NDRG2: variants seen among roughly 807,000 people sequenced by gnomAD.
NDRG2 encodes NDRG family member 2.
NDRG2 carries 34 observed loss-of-function variants against 58.2 expected under a neutral mutation model. That is an observed-to-expected ratio of 0.58 (90% CI 0.44 to 0.78). The LOEUF (loss-of-function observed/expected upper bound fraction) is 0.78, where lower values mean the gene tolerates loss of function less well. Among genes scored for constraint, NDRG2 ranks in the 30% least tolerant of loss-of-function variants. NDRG2 has a pLI of 0.00. For synonymous variants in NDRG2, 187 were observed against 175.9 expected, an observed-to-expected ratio of 1.06 and a Z score of -0.50; for missense variants, 434 against 471.2, an observed-to-expected ratio of 0.92 and a Z score of 0.73.
intron 11 of NDRG2, 95 bp downstream of exon 11, chr14:21,019,021 A>G: frequency 2.1e-6 from 3 of 1,406,708 alleles, no homozygotes; most frequent in Non-Finnish European, 2.9e-6. Flanking sequence ...ATGACAAGGA[A>G]GTTCCCTGGC....
chr14:21,020,798 G>C lies in NDRG2; in HGVS notation c.454C>G (p.Leu152Val), dbSNP rs558685962. The change falls in exon 7 of 16, where the codon CTG (leucine) becomes GTG (valine). Residue 152 changes from leucine (L) to valine (V), a missense_variant. Transcript: ENST00000556147. Reference sequence around the variant, plus strand: ...TTATTTCTTACAGCATATCTCGCCAGGATGTAGGCTCCAGCTCCAACACCA... The same window carrying C: ...TTATTTCTTACAGCATATCTCGCCACGATGTAGGCTCCAGCTCCAACACCA... The part of the protein sequence containing the change: ...GVGVGAGAYI[L>V]ARYALNHPDT... 2.7e-5 allele frequency: 43 copies of C among 1,613,912 alleles called. No homozygotes were observed. Among genetic ancestry groups the C allele is most frequent in the Non-Finnish European group, 3.6e-5 (43 of 1,180,024 alleles).
At chr14:21,059,280 G>A (rs1566507691) in intron 1 of NDRG2, among the ~76,000 whole-genome samples, 2 of 152,270 alleles carry the variant, frequency 1.3e-5, no homozygotes, top group East Asian at 3.9e-4. Context: ...CTTAATCATT[G>A]CTGAAGACTA....
upstream of NDRG2, chr14:21,030,680 G>A (rs761889310): frequency 2.5e-6 from 4 of 1,614,182 alleles, no homozygotes; most frequent in Admixed American, 1.7e-5. Context: ...TCTCCAAGCT[G>A]TGCAAAGACT....
At chr14:21,041,284 C>T (rs1408422880) in intron 1 of NDRG2, among the ~76,000 whole-genome samples, 2 of 152,254 alleles carry the variant, frequency 1.3e-5, no homozygotes, top group Non-Finnish European at 2.9e-5. Flanking sequence ...TGTGGGCCAC[C>T]GTACCTGGCC....
At chr14:21,042,933 A>G in intron 1 of NDRG2, 6 of 1,462,870 alleles carry the variant, frequency 4.1e-6, no homozygotes, top group Non-Finnish European at 5.6e-6. Flanking sequence ...TAATTTCTCA[A>G]CTGAACACCT....
At chr14:21,019,481 G>A (rs867358530) in intron 10 of NDRG2, 158 bp downstream of exon 10, 1 of 620,436 alleles carries the variant, frequency 1.6e-6, no homozygotes, top group Non-Finnish European at 2.9e-6. Flanking sequence ...CCTTCCCACT[G>A]ACTCTGTCCT....
At chr14:21,047,372 G>A (rs548880628) in intron 1 of NDRG2, among the ~76,000 whole-genome samples, 1 of 152,114 alleles carries the variant, frequency 6.6e-6, no homozygotes, top group African/African-American at 2.4e-5. Flanking sequence ...CAAATGGCCT[G>A]GCCTATTCTT....
intron 1 of NDRG2, among the ~76,000 whole-genome samples, chr14:21,051,400 G>A (rs1885461084): frequency 6.6e-6 from 1 of 152,202 alleles, no homozygotes; most frequent in Non-Finnish European, 1.5e-5. Context: ...TAGCAGGGCT[G>A]AAGGCTGCAC....
chr14:21,058,054 G>C (rs754094447), intron 1 of NDRG2: 8 of 1,614,126 alleles, frequency 5.0e-6, no homozygotes, highest in Non-Finnish European at 5.9e-6. Context: ...ACTCAGCCAT[G>C]AGCATCATCA....
Position 21,030,873 on chromosome 14 carries a change from C to T in NDRG2, c.25-7552G>A, listed in dbSNP as rs562372579. 2.4e-4 allele frequency: 364 copies of T among 1,499,340 alleles called. 1 individual carries two copies. Among genetic ancestry groups the T allele is most frequent in the Non-Finnish European group, 2.9e-4 (319 of 1,105,138 alleles). 92.9% of individuals were successfully genotyped at this position (1,499,340 alleles called of 1,614,324 possible). A position where few individuals can be genotyped will look rare whatever the true frequency, so the allele number is the denominator to read the frequency against. ...CTACCAAGCACCACAGGGTACCTGG[C>T]GCTGTGCTATCCTTTGTCTTCGAGA... On this transcript the variant is annotated intron_variant, in intron 1 of 14. Transcript: ENST00000403829.
At chr14:21,044,904 A>C (rs189502989) in intron 1 of NDRG2, among the ~76,000 whole-genome samples, 1 of 152,320 alleles carries the variant, frequency 6.6e-6, no homozygotes, top group Admixed American at 6.5e-5. Flanking sequence ...CTTTGGAGCC[A>C]GACAGAATCA....
In NDRG2 at chr14:21,043,390, C is replaced by T. The variant is rs746784879; in HGVS notation, c.25-20069G>A. 5 of 1,613,628 alleles carry T rather than the reference C, an allele frequency of 3.1e-6. No homozygotes were observed. In the African/African-American group the frequency reaches 6.7e-5, roughly 22 times the overall value. On this transcript the variant is annotated intron_variant, in intron 1 of 14. Coordinates refer to the NDRG2 transcript ENST00000403829. The stretch of plus-strand genomic sequence containing the variant: ...CGACAGAACAAGTCTTACGTAGTGG[C>T]CTGTAAGCCTCCCCAGAAAAAGGAC...
rs898543995 is a variant in NDRG2 at position 21,070,381 on chromosome 14, G to C, written c.24+447C>G. ...GCCCGCCCGACCAAGCGTCGGACGCGGCCCGGCGCCGAGCCATGGTGAGTC... is the reference window on the plus strand; with the variant it reads ...GCCCGCCCGACCAAGCGTCGGACGCCGCCCGGCGCCGAGCCATGGTGAGTC... On this transcript the variant is annotated intron_variant, in intron 1 of 14. Coordinates refer to the NDRG2 transcript ENST00000403829. The surrounding 1 kb of genome is among the most constrained non-coding windows in gnomAD (Gnocchi z 4.7). 1.2e-5 allele frequency: 17 copies of C among 1,406,804 alleles called. No individual in the cohort carries two copies. The highest frequency in any genetic ancestry group is 2.8e-6 in the Non-Finnish European group (3 of 1,089,232). 87.1% of individuals were successfully genotyped at this position (1,406,804 alleles called of 1,614,324 possible).
In NDRG2 at chr14:21,019,096, A is replaced by T. The variant is rs376087460; in HGVS notation, c.761+20T>A. ...GAAGATCCAGGGAGACAGGCAATGC[A>T]TTATCTCTTAAAGTCTTACCTGAGG... On this transcript the variant is annotated intron_variant, in intron 11 of 15. Coordinates refer to ENST00000556147, the MANE Select transcript of NDRG2 (RefSeq NM_001320329.2). The T allele has an allele frequency of 3.8e-6, 6 of 1,594,500 alleles. No individual in the cohort carries two copies. The highest frequency in any genetic ancestry group is 5.1e-6 in the Non-Finnish European group (6 of 1,172,662).
intron 1 of NDRG2, among the ~76,000 whole-genome samples, chr14:21,055,941 G>A (rs1885657173): frequency 6.6e-6 from 1 of 152,130 alleles, no homozygotes; most frequent in South Asian, 2.1e-4. Context: ...GTTTTCCTGG[G>A]TTCAAAAATC....
At chr14:21,032,572 G>A (rs147440017) in intron 1 of NDRG2, 2 of 345,992 alleles carry the variant, frequency 5.8e-6, no homozygotes, top group Non-Finnish European at 1.1e-5. Flanking sequence ...AGCCAGCTAA[G>A]GTTGCCTGAC....
At chr14:21,025,184 C>T, upstream of NDRG2, 2 of 891,430 alleles carry the variant, frequency 2.2e-6, no homozygotes, top group Non-Finnish European at 2.7e-6. The surrounding 1 kb of genome is among the most constrained non-coding windows in gnomAD (Gnocchi z 5.1). Flanking sequence ...AACACGCCCC[C>T]CCTTTCACCC....
chr14:21,060,880 C>A (rs983439268), intron 1 of NDRG2, among the ~76,000 whole-genome samples: 1 of 152,216 alleles, frequency 6.6e-6, no homozygotes, highest in African/African-American at 2.4e-5. Flanking sequence ...ATCCCAGGAA[C>A]TACCTCAAGA....
intron 10 of NDRG2, 103 bp from the exon 11 acceptor site, chr14:21,019,263 G>T: frequency 1.7e-6 from 2 of 1,189,588 alleles, no homozygotes; most frequent in Non-Finnish European, 2.4e-6. Context: ...TAAAAATTAC[G>T]GTCAAATCTT....
Sources: allele counts gnomAD v4.1 joint callset (sites outside exome capture counted in the v4.1 genomes callset), GRCh38; gene constraint gnomAD v4.1.1; non-coding constraint Gnocchi (gnomAD v3.1); transcripts MANE v1.5; gene names NCBI Gene and HGNC (gene_info 2026-07-23, HGNC 2026-07-21).